RFX4: variants seen among roughly 807,000 people sequenced by gnomAD.
RFX4 encodes transcription factor RFX4.
Under a neutral mutation model 95.0 loss-of-function variants are expected in RFX4, and 10 were observed. That is an observed-to-expected ratio of 0.11 (90% CI 0.06 to 0.18). The LOEUF is 0.18. Ranked by LOEUF, RFX4 falls within the 10% of genes least tolerant of loss-of-function variation. The pLI is 1.00. For synonymous variants in RFX4, 321 were observed against 340.7 expected (o/e 0.94, Z 0.64); for missense variants, 640 against 922.0 (o/e 0.69, Z 3.96).
intron 11 of RFX4, among the ~76,000 whole-genome samples, chr12:106,719,039 G>A (rs1273751667): frequency 1.3e-5 from 2 of 152,010 alleles, no homozygotes; most frequent in South Asian, 2.1e-4. Flanking sequence ...GGAGAATAGC[G>A]TGAACCTGGG....
chr12:106,619,141 ATATTTATTTT>A lies in RFX4; in HGVS notation c.130+10267_130+10276del, dbSNP rs148757803. Among the ~76,000 whole-genome samples, 693 of 152,200 alleles carry A rather than the reference ATATTTATTTT, an allele frequency of 4.6e-3. 3 individuals are homozygous for A. The highest frequency in any genetic ancestry group is 7.6e-3 in the Non-Finnish European group (516 of 67,990). The stretch of plus-strand genomic sequence containing the variant: ...TAATTATTATTGTTTTAAGCAGTTA[ATATTTATTTT>A]TATTTATTCACAAATTTACCCTTTC... On this transcript the variant is annotated intron_variant, in intron 2 of 17. Coordinates refer to ENST00000392842, the MANE Select transcript of RFX4 (RefSeq NM_213594.3).
At chr12:106,688,753 A>T (rs2041717817) in intron 6 of RFX4, among the ~76,000 whole-genome samples, 1 of 145,874 alleles carries the variant, frequency 6.9e-6, no homozygotes, top group African/African-American at 2.6e-5. Flanking sequence ...TATTGGATAA[A>T]TGGAGGGGGA....
At chr12:106,737,047 C>T (rs535711017) in intron 15 of RFX4, among the ~76,000 whole-genome samples, 104 of 152,098 alleles carry the variant, frequency 6.8e-4, no homozygotes, top group African/African-American at 2.4e-3. Flanking sequence ...TACTCACCTC[C>T]TTTGATGTTT....
chr12:106,723,052 G>A (rs548313322), intron 13 of RFX4, among the ~76,000 whole-genome samples: 40 of 152,322 alleles, frequency 2.6e-4, no homozygotes, highest in Non-Finnish European at 4.4e-4. Context: ...CCATTACAAT[G>A]ATCGTGTGGA....
chr12:106,611,683 G>A (rs2039964452), intron 2 of RFX4, among the ~76,000 whole-genome samples: 1 of 151,854 alleles, frequency 6.6e-6, no homozygotes, highest in Non-Finnish European at 1.5e-5. Context: ...GCTAATTTTT[G>A]TATTTTTTTA....
intron 1 of RFX4, among the ~76,000 whole-genome samples, chr12:106,589,600 T>C (rs906808501): frequency 1.2e-4 from 18 of 152,120 alleles, no homozygotes; most frequent in Non-Finnish European, 2.1e-4. Context: ...CAGAGCTAGA[T>C]TGGAGAGCAG....
At chr12:106,655,007 T>C (rs1242942090) in intron 4 of RFX4, among the ~76,000 whole-genome samples, 1 of 152,216 alleles carries the variant, frequency 6.6e-6, no homozygotes, top group African/African-American at 2.4e-5. Context: ...GCTTCCTTTT[T>C]CTATGTGTAA....
intron 15 of RFX4, among the ~76,000 whole-genome samples, chr12:106,737,264 A>G (rs1301848958): frequency 7.5e-6 from 1 of 133,258 alleles, no homozygotes; most frequent in Non-Finnish European, 1.5e-5. Context: ...TTACTCACCT[A>G]TCTATCCATT....
At chr12:106,605,366 T>C (rs2039806892) in intron 1 of RFX4, among the ~76,000 whole-genome samples, 1 of 152,192 alleles carries the variant, frequency 6.6e-6, no homozygotes, top group Non-Finnish European at 1.5e-5. Context: ...GGAAGCTACC[T>C]GGCTTGTGAG....
At chr12:106,717,965 C>T (rs2042324851) in intron 11 of RFX4, among the ~76,000 whole-genome samples, 1 of 152,220 alleles carries the variant, frequency 6.6e-6, no homozygotes, top group African/African-American at 2.4e-5. Flanking sequence ...CAAACTCTTG[C>T]TTAGGGGGTT....
chr12:106,738,048 T>C (rs979619326), intron 15 of RFX4, among the ~76,000 whole-genome samples: 3 of 152,158 alleles, frequency 2.0e-5, no homozygotes, highest in Admixed American at 6.5e-5. Context: ...TTAAGTACCA[T>C]TCGCAGCTCT....
At chr12:106,665,646 A>G (rs1050152735) in intron 4 of RFX4, among the ~76,000 whole-genome samples, 3 of 151,850 alleles carry the variant, frequency 2.0e-5, no homozygotes, top group African/African-American at 7.3e-5. Flanking sequence ...CTTTATTAGC[A>G]TATGTTATAC....
intron 14 of RFX4, 36 bp downstream of exon 14, chr12:106,732,285 G>C (rs2042627801): frequency 6.2e-7 from 1 of 1,611,012 alleles, no homozygotes; most frequent in African/African-American, 1.3e-5. Flanking sequence ...GCACCACTTG[G>C]TAATGTTATT....
intron 4 of RFX4, among the ~76,000 whole-genome samples, chr12:106,680,334 T>C (rs141006048): frequency 3.2e-4 from 48 of 152,264 alleles, no homozygotes; most frequent in African/African-American, 1.1e-3. Flanking sequence ...GTCCATCCCA[T>C]TGATACCATT....
intron 2 of RFX4, among the ~76,000 whole-genome samples, chr12:106,609,625 C>T (rs1257679626): frequency 6.6e-6 from 1 of 152,216 alleles, no homozygotes; most frequent in Admixed American, 6.5e-5. Context: ...TACTCAATAG[C>T]CCCCTCCTGA....
At chr12:106,727,261 A>G (rs765129244) in intron 13 of RFX4, among the ~76,000 whole-genome samples, 1 of 152,202 alleles carries the variant, frequency 6.6e-6, no homozygotes, top group Non-Finnish European at 1.5e-5. Context: ...AGAGAAAAAA[A>G]GCATTTGATA....
At chr12:106,613,048 G>T (rs1203902935) in intron 2 of RFX4, among the ~76,000 whole-genome samples, 1 of 151,480 alleles carries the variant, frequency 6.6e-6, no homozygotes, top group African/African-American at 2.4e-5. Context: ...GTTAGCTGTT[G>T]TTTTTTTATA....
intron 2 of RFX4, among the ~76,000 whole-genome samples, chr12:106,614,476 C>CCT (rs1565950488): frequency 3.1e-5 from 2 of 65,050 alleles, no homozygotes. Context: ...ACGTCTTTTG[C>CCT]CTGTGTGTGT....
chr12:106,757,357 G>A (rs562785555), intron 17 of RFX4, among the ~76,000 whole-genome samples: 134 of 152,152 alleles, frequency 8.8e-4, no homozygotes, highest in Non-Finnish European at 1.4e-3. Flanking sequence ...AGATCAGCCT[G>A]GGCAATGTAG....
Sources: gnomAD v4.1 joint callset for allele counts (sites outside exome capture counted in the v4.1 genomes callset) on GRCh38, gnomAD v4.1.1 for gene constraint, MANE v1.5 for transcripts, NCBI Gene and HGNC (gene_info 2026-07-23, HGNC 2026-07-21) for gene names.